The following NPIPA1 variants were observed in gnomAD, a reference collection of about 807,000 sequenced individuals.
The protein encoded by NPIPA1 is nuclear pore complex interacting protein family member A1.
For synonymous variants in NPIPA1, 7 were observed against 88.0 expected (o/e 0.08, Z 5.15); for missense variants, 22 against 232.2 (o/e 0.09, Z 5.88).
At chr16:14,943,456 G>A in intron 2 of NPIPA1, among the ~76,000 whole-genome samples, 1 of 147,702 alleles carries the variant, frequency 6.8e-6, no homozygotes, top group Non-Finnish European at 1.5e-5. Context: ...ACGTGAGCCA[G>A]GGGAAGTTTT....
chr16:14,946,611 G>T lies in NPIPA1; in HGVS notation c.437+630G>T, dbSNP rs1342859262. Among the ~76,000 whole-genome samples, 438 of 145,308 alleles carry T rather than the reference G, an allele frequency of 3.0e-3. 2 individuals are homozygous for T. Among genetic ancestry groups the T allele is most frequent in the Non-Finnish European group, 5.4e-3 (362 of 66,774 alleles). ...GCAATCTTGGCTCACTGCAACCTCT[G>T]CCTCCCAGTTTGAAGCAATTCTGCC... On this transcript the variant is annotated intron_variant, in intron 4 of 7. Transcript: ENST00000328085.
At chr16:14,945,170 C>G (rs1158033257) in intron 2 of NPIPA1, among the ~76,000 whole-genome samples, 1 of 151,028 alleles carries the variant, frequency 6.6e-6, no homozygotes, top group East Asian at 2.0e-4. Flanking sequence ...CTCGGCCTCC[C>G]AAAGTGCTGG....
At chr16:14,938,583 T>C (rs1965680558) in intron 1 of NPIPA1, among the ~76,000 whole-genome samples, 2 of 131,064 alleles carry the variant, frequency 1.5e-5, no homozygotes, top group Admixed American at 8.1e-5. Context: ...GTACCTGTTA[T>C]CCCAGTTACT....
Position 14,951,866 on chromosome 16 carries a change from A to C in NPIPA1, c.894A>C (p.Pro298=). Reference sequence around the variant, plus strand: ...CGGAGTGTCTGCTCTATCCCCTTCCACCCTCAGCGGATGATAATCTCAAGA... The same window carrying C: ...CGGAGTGTCTGCTCTATCCCCTTCCCCCCTCAGCGGATGATAATCTCAAGA... The part of the protein sequence containing the change: ...TPAECLLYPL[P]PSADDNLKTP... Residue 298 remains proline (P), a synonymous_variant, in exon 8 of 8, where the codon CCA becomes CCC. Coordinates refer to ENST00000328085, the MANE Select transcript of NPIPA1 (RefSeq NM_006985.4). The C allele has an allele frequency of 6.3e-7, 1 of 1,593,342 alleles. No individual in the cohort carries two copies.
chr16:14,944,273 A>G lies in NPIPA1; in HGVS notation c.193-1301A>G, dbSNP rs1460209296. 2.4e-3 allele frequency among the ~76,000 whole-genome samples: 357 copies of G among 150,814 alleles called. 1 individual carries two copies. Among genetic ancestry groups the G allele is most frequent in the African/African-American group, 8.5e-3 (342 of 40,096 alleles). On this transcript the variant is annotated intron_variant, in intron 2 of 7. Transcript: ENST00000328085. ...TTTAATATCTTCGAAGATTAAAAGC[A>G]TACTGTGATAATATGGAAATCTTGG... is the stretch of plus-strand genomic sequence containing the variant.
chr16:14,949,433 C>A (rs1965963460), intron 5 of NPIPA1: 1 of 292,118 alleles, frequency 3.4e-6, no homozygotes, highest in African/African-American at 2.9e-5. Flanking sequence ...GATATTAATA[C>A]AAAGAGAATA....
At position 14,945,227 on chromosome 16, in the gene NPIPA1, GGTGT is replaced by G. The variant is rs1555533565; in HGVS notation, c.193-309_193-306del. ...TGCCAGCCTCATGTCATTCTTGTGT[GGTGT>G]GTGTGTGTGTGTGTGTGTGTGTGTG... On this transcript the variant is annotated intron_variant, in intron 2 of 7. Transcript: ENST00000328085. 4.6e-3 allele frequency among the ~76,000 whole-genome samples: 634 copies of G among 137,780 alleles called. 2 individuals are homozygous for G. The highest frequency in any genetic ancestry group is 9.5e-3 in the East Asian group (38 of 4,006). 90.4% of individuals were successfully genotyped at this position (137,780 alleles called of 152,430 possible).
intron 5 of NPIPA1, chr16:14,949,718 C>G (rs1965970060): frequency 1.6e-6 from 1 of 627,376 alleles, no homozygotes; most frequent in Admixed American, 3.1e-5. Context: ...CTGCCTCAGC[C>G]TCCCGAGTAG....
At chr16:14,943,887 G>A (rs1965813657) in intron 2 of NPIPA1, among the ~76,000 whole-genome samples, 1 of 151,260 alleles carries the variant, frequency 6.6e-6, no homozygotes. Flanking sequence ...GGTGGCTCAT[G>A]CCTGTAATCC....
intron 1 of NPIPA1, among the ~76,000 whole-genome samples, chr16:14,940,567 C>T (rs1480719922): frequency 6.0e-5 from 8 of 132,962 alleles, no homozygotes; most frequent in Middle Eastern, 3.7e-3. Context: ...ATTAGCCGAG[C>T]GTGGTGGCAG....
intron 4 of NPIPA1, among the ~76,000 whole-genome samples, chr16:14,946,844 G>A (rs1965899600): frequency 6.6e-6 from 1 of 151,958 alleles, no homozygotes; most frequent in Admixed American, 6.6e-5. Context: ...ACAGGCATAT[G>A]CCACCATGCC....
chr16:14,947,606 G>A (rs1227610290), intron 4 of NPIPA1, among the ~76,000 whole-genome samples: 3 of 149,246 alleles, frequency 2.0e-5, no homozygotes, highest in African/African-American at 7.3e-5. Flanking sequence ...CCAAATGCGA[G>A]GCTGACTTTC....
At chr16:14,940,295 A>G (rs1360713892) in intron 1 of NPIPA1, among the ~76,000 whole-genome samples, 1 of 146,312 alleles carries the variant, frequency 6.8e-6, no homozygotes, top group Non-Finnish European at 1.5e-5. Context: ...TGAGCTTTAA[A>G]TGACAAAGAT....
intron 2 of NPIPA1, among the ~76,000 whole-genome samples, chr16:14,943,196 G>T (rs1233892997): frequency 2.1e-4 from 32 of 149,128 alleles, no homozygotes; most frequent in African/African-American, 7.4e-4. Flanking sequence ...TCCCTCTGTT[G>T]CCCAGGCTGG....
In NPIPA1 at chr16:14,951,985, TC is replaced by T. The variant is rs1395834476; in HGVS notation, c.1017del (p.Phe340SerfsTer6). On this transcript the variant is annotated frameshift_variant, in exon 8 of 8. Transcript: ENST00000328085. LOFTEE classifies it high-confidence loss of function. The part of the protein sequence containing the change: ...LKTPPECVCS[L>X]PFHPQRMIIS... ...ACACCTCCCGAGTGTGTCTGCTCAC[TC>T]CCCTTCCACCCTCAGCGGATGATAA... 2 of 1,606,564 alleles carry T rather than the reference TC, an allele frequency of 1.2e-6. No homozygotes were observed. The highest frequency in any genetic ancestry group is 2.7e-5 in the African/African-American group (2 of 74,714).
intron 1 of NPIPA1, among the ~76,000 whole-genome samples, chr16:14,938,959 C>T (rs1360728056): frequency 1.4e-5 from 2 of 142,870 alleles, no homozygotes; most frequent in African/African-American, 2.6e-5. Context: ...GTCTTGACCT[C>T]GTGATCTGCC....
At chr16:14,940,669 G>A (rs1240569060) in intron 1 of NPIPA1, among the ~76,000 whole-genome samples, 2 of 138,402 alleles carry the variant, frequency 1.4e-5, no homozygotes, top group African/African-American at 5.5e-5. Context: ...TCATGCCACT[G>A]CAATCTAGCC....
In NPIPA1 at chr16:14,943,144, C is replaced by CTT. The variant is rs796144995; in HGVS notation, c.192+1220_192+1221dup. ...AATTTTTGGTATAAATTGGAGGAAG[C>CTT]TTTTTTTTTTTTTTTTTCTTTTCTC... On this transcript the variant is annotated intron_variant, in intron 2 of 7. Transcript: ENST00000328085. Among the ~76,000 whole-genome samples the CTT allele has an allele frequency of 9.8e-5, 13 of 133,044 alleles. No homozygotes were observed. The East Asian group carries it at 1.7e-3, about 17-fold the overall frequency. The allele number at this position is 133,044 out of a possible 152,430, so 87.3% of individuals were successfully genotyped here.
intron 1 of NPIPA1, among the ~76,000 whole-genome samples, chr16:14,938,786 T>C (rs1965686456): frequency 6.6e-6 from 1 of 152,078 alleles, no homozygotes; most frequent in African/African-American, 2.4e-5. Flanking sequence ...TCGCCCAGGC[T>C]GGAGTGCAGT....
Sources: gnomAD v4.1 joint callset for allele counts (sites outside exome capture counted in the v4.1 genomes callset) on GRCh38, gnomAD v4.1.1 for gene constraint, MANE v1.5 for transcripts, NCBI Gene and HGNC (gene_info 2026-07-23, HGNC 2026-07-21) for gene names.